The following MEIS1 variants were observed in gnomAD, a reference collection of about 807,000 sequenced individuals.
MEIS1 encodes homeobox protein Meis1.
In MEIS1, 5 loss-of-function variants were observed where a neutral mutation model predicts 50.8. The ratio of observed to expected loss-of-function variants is 0.10; its 90% CI spans 0.05 to 0.21. The LOEUF (loss-of-function observed/expected upper bound fraction) is 0.21. MEIS1 is among the 10% of genes least tolerant of loss of function. MEIS1 has a pLI of 1.00. For synonymous variants in MEIS1, 176 were observed against 179.3 expected (o/e 0.98, Z 0.15); for missense variants, 318 against 517.3 (o/e 0.61, Z 3.74).
intron 7 of MEIS1, among the ~76,000 whole-genome samples, chr2:66,484,820 A>G (rs1227259189): frequency 1.3e-5 from 2 of 152,168 alleles, no homozygotes; most frequent in African/African-American, 4.8e-5. Context: ...TTGGCCTGCC[A>G]AAGTGCTGGG....
chr2:66,442,079 G>A (rs901969703), intron 5 of MEIS1, among the ~76,000 whole-genome samples: 12 of 152,086 alleles, frequency 7.9e-5, no homozygotes, highest in African/African-American at 2.4e-4. Context: ...AAGGGTGTGG[G>A]ATAACATGAT....
chr2:66,561,900 A>G (rs1675222220), intron 9 of MEIS1, among the ~76,000 whole-genome samples: 1 of 152,166 alleles, frequency 6.6e-6, no homozygotes, highest in Non-Finnish European at 1.5e-5. Context: ...TCTGTGGTTT[A>G]CCAAGTTGGC....
intron 12 of MEIS1, 159 bp downstream of exon 12, chr2:66,569,304 A>G: frequency 1.7e-6 from 1 of 592,528 alleles, no homozygotes; most frequent in African/African-American, 1.9e-5. Context: ...GTTGTGATCA[A>G]GCTTTTAAGC....
chr2:66,571,137 C>T (rs1183779941), intron 12 of MEIS1, 109 bp from the exon 13 acceptor site: 1 of 1,072,438 alleles, frequency 9.3e-7, no homozygotes. Context: ...AAACCATGTT[C>T]CCTTAATCAC....
Position 66,536,128 on chromosome 2 carries a change from C to G in MEIS1, c.889-11815C>G, listed in dbSNP as rs138474943. On this transcript the variant is annotated intron_variant, in intron 8 of 12. Transcript: ENST00000272369. ...CTTATAAAAATGCAAGCAGACCCATCTAATGAATATTAATAGGAGTGATGT... is the reference window on the plus strand; with the variant it reads ...CTTATAAAAATGCAAGCAGACCCATGTAATGAATATTAATAGGAGTGATGT... 2.5e-3 allele frequency among the ~76,000 whole-genome samples: 376 copies of G among 152,282 alleles called. 2 individuals are homozygous for G. Among genetic ancestry groups the G allele is most frequent in the African/African-American group, 8.4e-3 (348 of 41,570 alleles).
chr2:66,498,800 G>A (rs191508219), intron 7 of MEIS1, among the ~76,000 whole-genome samples: 1 of 152,296 alleles, frequency 6.6e-6, no homozygotes, highest in East Asian at 1.9e-4. Context: ...GATGCACAGT[G>A]TGGTCCTTGG....
At chr2:66,565,082 A>G (rs1675314474) in intron 9 of MEIS1, among the ~76,000 whole-genome samples, 1 of 152,096 alleles carries the variant, frequency 6.6e-6, no homozygotes, top group Non-Finnish European at 1.5e-5. Flanking sequence ...CATATAGGGG[A>G]TTCATGTCAG....
At chr2:66,486,502 C>T (rs1215952710) in intron 7 of MEIS1, among the ~76,000 whole-genome samples, 1 of 152,108 alleles carries the variant, frequency 6.6e-6, no homozygotes, top group Non-Finnish European at 1.5e-5. Flanking sequence ...TTACTGTAGC[C>T]TTGTAGCATA....
intron 10 of MEIS1, 153 bp from the exon 11 acceptor site, chr2:66,568,514 C>T: frequency 2.5e-5 from 11 of 434,270 alleles, no homozygotes; most frequent in South Asian, 1.3e-4. Flanking sequence ...TAGATCTAGT[C>T]TGAGAGAAAT....
At chr2:66,471,819 G>T (rs1672768665) in intron 7 of MEIS1, among the ~76,000 whole-genome samples, 2 of 152,142 alleles carry the variant, frequency 1.3e-5, no homozygotes, top group African/African-American at 4.8e-5. Flanking sequence ...TGTTTTCATG[G>T]ACCTGGAAGT....
At chr2:66,443,176 G>A (rs1672041498) in intron 6 of MEIS1, 128 bp downstream of exon 6, 9 of 1,140,492 alleles carry the variant, frequency 7.9e-6, no homozygotes, top group Admixed American at 7.7e-5. Context: ...CATTTCCATC[G>A]AAATGAAAAT....
At chr2:66,555,952 C>G (rs1369760504) in intron 9 of MEIS1, among the ~76,000 whole-genome samples, 3 of 152,102 alleles carry the variant, frequency 2.0e-5, no homozygotes, top group Non-Finnish European at 4.4e-5. Flanking sequence ...TAGATCCGGT[C>G]TGCATTGCTC....
At chr2:66,568,794 C>T (rs1675413987) in intron 11 of MEIS1, 38 bp downstream of exon 11, 1 of 1,542,806 alleles carries the variant, frequency 6.5e-7, no homozygotes, top group South Asian at 1.1e-5. Context: ...TCATTTTTGA[C>T]TCCAAGAGTG....
intron 7 of MEIS1, among the ~76,000 whole-genome samples, chr2:66,487,019 A>G (rs975658264): frequency 4.6e-5 from 7 of 152,186 alleles, no homozygotes; most frequent in African/African-American, 1.2e-4. Context: ...TTTTCTAAAT[A>G]TACAATCATG....
chr2:66,435,236 A>T lies in MEIS1; in HGVS notation c.-621A>T, dbSNP rs1301113352. On this transcript the variant is annotated 5_prime_UTR_variant, in exon 1 of 13. Coordinates refer to ENST00000272369, the MANE Select transcript of MEIS1 (RefSeq NM_002398.3). Reference sequence around the variant, plus strand: ...TCCTTTAAGACAAACTCAGACAGACATTTTTTTTAACCCTCCTTCTCTAAT... The same window carrying T: ...TCCTTTAAGACAAACTCAGACAGACTTTTTTTTTAACCCTCCTTCTCTAAT... 1.3e-5 allele frequency: 2 copies of T among 152,478 alleles called. No homozygotes were observed. Among genetic ancestry groups the T allele is most frequent in the African/African-American group, 2.4e-5 (1 of 41,418 alleles). 9.4% of individuals were successfully genotyped at this position (152,478 alleles called of 1,614,324 possible).
chr2:66,475,257 A>G (rs887438891), intron 7 of MEIS1, among the ~76,000 whole-genome samples: 18 of 146,204 alleles, frequency 1.2e-4, no homozygotes, highest in Non-Finnish European at 2.6e-4. Flanking sequence ...TTATTTATAA[A>G]ATAAATATAT....
chr2:66,474,066 A>T (rs756005072), intron 7 of MEIS1, among the ~76,000 whole-genome samples: 1 of 151,782 alleles, frequency 6.6e-6, no homozygotes, highest in Non-Finnish European at 1.5e-5. Context: ...AAGTCTGTAC[A>T]TGTTCAGTAC....
chr2:66,509,535 C>CT (rs1287001873), intron 7 of MEIS1, among the ~76,000 whole-genome samples: 1 of 152,160 alleles, frequency 6.6e-6, no homozygotes, highest in Non-Finnish European at 1.5e-5. Context: ...TAATAGAAAC[C>CT]TTTTATTCAG....
chr2:66,500,450 A>G (rs1022835705), intron 7 of MEIS1, among the ~76,000 whole-genome samples: 5 of 152,130 alleles, frequency 3.3e-5, no homozygotes, highest in African/African-American at 1.2e-4. Flanking sequence ...ATTGAGATGG[A>G]GTCTCGCTCT....
Sources: gnomAD v4.1 joint callset for allele counts (sites outside exome capture counted in the v4.1 genomes callset) on GRCh38, gnomAD v4.1.1 for gene constraint, MANE v1.5 for transcripts, NCBI Gene and HGNC (gene_info 2026-07-23, HGNC 2026-07-21) for gene names.